The following AGMO variants were observed in gnomAD, a reference collection of about 807,000 sequenced individuals.
AGMO encodes alkylglycerol monooxygenase, also known as glyceryl-ether monooxygenase.
Under a neutral mutation model 60.2 loss-of-function variants are expected in AGMO, and 75 were observed. The observed-to-expected ratio is 1.25, with a 90% CI of 1.03 to 1.51. AGMO has a LOEUF of 1.51. Ranked by LOEUF, AGMO falls within the 40% of genes most tolerant of loss-of-function variation. The pLI, the probability that AGMO is intolerant of heterozygous loss-of-function variation, is 0.00. For missense variants in AGMO, 763 were observed against 525.5 expected (o/e 1.45, Z -4.42); for synonymous variants, 261 against 177.1 (o/e 1.47, Z -3.76).
intron 12 of AGMO, among the ~76,000 whole-genome samples, chr7:15,311,620 T>C (rs893314190): frequency 6.6e-6 from 1 of 152,026 alleles, no homozygotes; most frequent in Non-Finnish European, 1.5e-5. Context: ...CAAATACAAA[T>C]TCCCTCTGGA....
intron 11 of AGMO, 46 bp downstream of exon 11, chr7:15,366,093 CT>C (rs769141277): frequency 9.0e-6 from 13 of 1,441,628 alleles, no homozygotes; most frequent in African/African-American, 4.3e-5. Context: ...GTGGAAAATT[CT>C]TGAATTGAGT....
At chr7:15,198,236 A>AGAGAGAGAGAGAGAGAGAGG (rs1781178381), downstream of AGMO, among the ~76,000 whole-genome samples, 18 of 115,768 alleles carry the variant, frequency 1.6e-4, 2 homozygotes, top group Non-Finnish European at 2.8e-4. Context: ...AGAGAGAGAG[A>AGAGAGAGAGAGAGAGAGAGG]GAGAGAGAGA....
intron 12 of AGMO, among the ~76,000 whole-genome samples, chr7:15,208,061 C>T (rs1781486969): frequency 6.6e-6 from 1 of 152,172 alleles, no homozygotes; most frequent in Non-Finnish European, 1.5e-5. Context: ...TCATGAATCA[C>T]AAATTATGCC....
At chr7:15,308,009 G>T (rs79205380) in intron 12 of AGMO, among the ~76,000 whole-genome samples, 4,936 of 151,928 alleles carry the variant, frequency 0.032, 244 homozygotes, top group African/African-American at 0.11. Flanking sequence ...CTAAATACCT[G>T]GAATTTCCCC....
At chr7:15,388,227 A>G (rs1461624175) in intron 8 of AGMO, among the ~76,000 whole-genome samples, 5 of 152,216 alleles carry the variant, frequency 3.3e-5, no homozygotes, top group African/African-American at 1.2e-4. Context: ...CAATTCAGAA[A>G]TAATTTAGAA....
intron 3 of AGMO, among the ~76,000 whole-genome samples, chr7:15,531,487 TTCTATATATATTCTATATATATTC>T (rs1562557418): frequency 8.4e-5 from 1 of 11,904 alleles, no homozygotes; most frequent in South Asian, 2.3e-3. Flanking sequence ...TCTATATATA[TTCTATATATATTCTATATATATTC>T]TCTATATATA....
At chr7:15,216,033 C>A (rs551456509) in intron 12 of AGMO, among the ~76,000 whole-genome samples, 1 of 152,164 alleles carries the variant, frequency 6.6e-6, no homozygotes, top group South Asian at 2.1e-4. Context: ...ATGAACAGTA[C>A]ACTGAGGTGA....
chr7:15,388,632 G>A (rs575142668), intron 8 of AGMO, among the ~76,000 whole-genome samples: 39 of 152,180 alleles, frequency 2.6e-4, no homozygotes, highest in African/African-American at 9.2e-4. Context: ...GATGACAAAG[G>A]AGGGCAAGGT....
Position 15,559,992 on chromosome 7 carries a change from A to C in AGMO, c.257+149T>G. On this transcript the variant is annotated intron_variant, in intron 2 of 12. Transcript: ENST00000342526. ...AGTGCAAAAAATCAATGAAGAACAA[A>C]ATATCAAAATTTTAAATAATGACAT... 6 of 707,582 alleles carry C rather than the reference A, an allele frequency of 8.5e-6. No homozygotes were observed. The South Asian group carries it at 1.5e-4, about 18-fold the overall frequency. The allele number at this position is 707,582 out of a possible 1,614,324, so 43.8% of individuals were successfully genotyped here.
chr7:15,387,939 G>C (rs867374043), intron 8 of AGMO, among the ~76,000 whole-genome samples: 129 of 132,120 alleles, frequency 9.8e-4, no homozygotes, highest in African/African-American at 3.8e-3. Flanking sequence ...ACAGAGTCTC[G>C]CTCTGTTGCC....
At chr7:15,384,374 A>G (rs929499749) in intron 10 of AGMO, among the ~76,000 whole-genome samples, 2 of 152,184 alleles carry the variant, frequency 1.3e-5, no homozygotes. Context: ...CTATCAGAAT[A>G]TATGTTCAGT....
intron 3 of AGMO, among the ~76,000 whole-genome samples, chr7:15,451,980 A>G (rs369449779): frequency 1.3e-5 from 2 of 152,312 alleles, no homozygotes; most frequent in African/African-American, 4.8e-5. Context: ...AGACACAGCT[A>G]TTGTTAGAGG....
chr7:15,244,808 T>C (rs1294856104), intron 12 of AGMO, among the ~76,000 whole-genome samples: 2 of 151,968 alleles, frequency 1.3e-5, no homozygotes, highest in Non-Finnish European at 2.9e-5. Flanking sequence ...CCCGCCACCA[T>C]GCGTGGCTAA....
chr7:15,465,063 G>A (rs1175088823), intron 3 of AGMO, among the ~76,000 whole-genome samples: 1 of 152,014 alleles, frequency 6.6e-6, no homozygotes, highest in African/African-American at 2.4e-5. Context: ...ATCTTTTACT[G>A]GAGAAATTTA....
intron 12 of AGMO, among the ~76,000 whole-genome samples, chr7:15,354,331 C>T (rs1384044290): frequency 0.023 from 1,591 of 69,058 alleles, 178 homozygotes; most frequent in African/African-American, 0.037. Flanking sequence ...TATACGTACG[C>T]GTGTATATAC....
the AGMO span, among the ~76,000 whole-genome samples, chr7:15,186,384 T>A: frequency 2.0e-4 from 30 of 152,312 alleles, no homozygotes; most frequent in African/African-American, 6.7e-4. Flanking sequence ...CCAGAGCCCT[T>A]TGGCTCCTGA....
At chr7:15,315,839 T>G (rs1469114174) in intron 12 of AGMO, among the ~76,000 whole-genome samples, 1 of 152,002 alleles carries the variant, frequency 6.6e-6, no homozygotes, top group Non-Finnish European at 1.5e-5. Flanking sequence ...AAAAAAACAT[T>G]TATTGCACCA....
chr7:15,342,546 A>G (rs971649587), intron 12 of AGMO, among the ~76,000 whole-genome samples: 2 of 151,830 alleles, frequency 1.3e-5, no homozygotes, highest in African/African-American at 4.8e-5. Flanking sequence ...TTTATATTCA[A>G]CCTCATCATA....
At chr7:15,153,775 C>T in the AGMO span, among the ~76,000 whole-genome samples, 1 of 152,048 alleles carries the variant, frequency 6.6e-6, no homozygotes, top group Non-Finnish European at 1.5e-5. Flanking sequence ...TAATGTAATG[C>T]CTCCAGATTT....
Sources: gnomAD v4.1 joint callset for allele counts (sites outside exome capture counted in the v4.1 genomes callset) on GRCh38, gnomAD v4.1.1 for gene constraint, MANE v1.5 for transcripts, NCBI Gene and HGNC (gene_info 2026-07-23, HGNC 2026-07-21) for gene names.